The following TTLL11 variants were observed in gnomAD, a reference collection of about 807,000 sequenced individuals.
TTLL11 encodes the protein tubulin tyrosine ligase like 11, also known as tubulin polyglutamylase TTLL11.
TTLL11 carries 42 observed loss-of-function variants against 51.7 expected under a neutral mutation model. The observed-to-expected ratio is 0.81, with a 90% CI of 0.64 to 1.05. The LOEUF (loss-of-function observed/expected upper bound fraction) is 1.05. TTLL11 is among the 50% of genes least tolerant of loss of function. The pLI, the probability that TTLL11 is intolerant of heterozygous loss-of-function variation, is 0.00. For missense variants in TTLL11, 799 were observed against 940.4 expected (o/e 0.85, Z 1.97); for synonymous variants, 381 against 383.5 (o/e 0.99, Z 0.08).
At chr9:122,043,558 A>G (rs1238988070) in intron 1 of TTLL11, among the ~76,000 whole-genome samples, 1 of 152,324 alleles carries the variant, frequency 6.6e-6, no homozygotes, top group East Asian at 1.9e-4. Flanking sequence ...AAAGCTTCAT[A>G]ACACTAGAAA....
chr9:122,054,677 T>C (rs543731743), intron 1 of TTLL11, among the ~76,000 whole-genome samples: 1 of 152,328 alleles, frequency 6.6e-6, no homozygotes, highest in African/African-American at 2.4e-5. Flanking sequence ...ATATCAATTA[T>C]AAATTATAAA....
intron 6 of TTLL11, among the ~76,000 whole-genome samples, chr9:121,874,274 T>C (rs1197754867): frequency 3.3e-5 from 5 of 152,210 alleles, no homozygotes; most frequent in African/African-American, 4.8e-5. Flanking sequence ...CTTGGGATTA[T>C]AGGCATGAGC....
chr9:121,887,846 C>T (rs560472557), intron 6 of TTLL11, among the ~76,000 whole-genome samples: 1 of 152,258 alleles, frequency 6.6e-6, no homozygotes, highest in South Asian at 2.1e-4. Flanking sequence ...CAGATCAAGT[C>T]TGGAATACAT....
In TTLL11 at chr9:121,898,044, G is replaced by A. The variant is rs547540687; in HGVS notation, c.1482-27296C>T. 5.9e-5 allele frequency among the ~76,000 whole-genome samples: 9 copies of A among 151,530 alleles called. No individual in the cohort carries two copies. The East Asian group carries it at 9.7e-4, about 16-fold the overall frequency. ...AGCAACTCTCATGCCTCAGCCTCCC[G>A]AGTAGCTGGGACTACAGGCACCTGC... On this transcript the variant is annotated intron_variant, in intron 6 of 8. Coordinates refer to ENST00000321582, the MANE Select transcript of TTLL11 (RefSeq NM_001139442.2).
In TTLL11 at chr9:122,093,290, C is replaced by G. The variant is rs1489614647; in HGVS notation, c.-142G>C. 1 of 1,573,408 alleles carries G rather than the reference C, an allele frequency of 6.4e-7. No homozygotes were observed. The highest frequency in any genetic ancestry group is 2.4e-5 in the East Asian group (1 of 42,236). ...GCCCGTTGCCATGATCGCTCAGGCT[C>G]GGGTTGACAGCGGCAGTCACCGCAT... is the stretch of plus-strand genomic sequence containing the variant. On this transcript the variant is annotated 5_prime_UTR_variant, in exon 1 of 9. Coordinates refer to ENST00000321582, the MANE Select transcript of TTLL11 (RefSeq NM_001139442.2).
At chr9:121,845,711 C>CT (rs1837497391) in intron 8 of TTLL11, among the ~76,000 whole-genome samples, 3 of 152,014 alleles carry the variant, frequency 2.0e-5, no homozygotes, top group Non-Finnish European at 4.4e-5. Flanking sequence ...TGAAAATGGA[C>CT]TTATTAGCTG....
intron 6 of TTLL11, among the ~76,000 whole-genome samples, chr9:121,915,454 C>T (rs779734760): frequency 3.9e-5 from 6 of 152,084 alleles, no homozygotes; most frequent in South Asian, 4.1e-4. Flanking sequence ...TCTGACTTCC[C>T]GATACATCTC....
chr9:122,012,698 ACAC>A (rs1843845634), intron 3 of TTLL11, among the ~76,000 whole-genome samples: 1 of 151,924 alleles, frequency 6.6e-6, no homozygotes, highest in Non-Finnish European at 1.5e-5. Context: ...ACACACACAC[ACAC>A]ACCAAGTTAA....
At chr9:121,939,516 G>T (rs1203976013) in intron 6 of TTLL11, among the ~76,000 whole-genome samples, 2 of 152,202 alleles carry the variant, frequency 1.3e-5, no homozygotes, top group Non-Finnish European at 2.9e-5. Context: ...AGAACATAGT[G>T]ATTCTCTGGG....
intron 8 of TTLL11, among the ~76,000 whole-genome samples, chr9:121,827,731 G>A (rs983427842): frequency 3.9e-5 from 6 of 152,004 alleles, no homozygotes; most frequent in South Asian, 4.1e-4. Context: ...TCAAGGTGGC[G>A]CAGGAAACGG....
intron 1 of TTLL11, among the ~76,000 whole-genome samples, chr9:122,046,353 T>C (rs558008673): frequency 1.3e-5 from 2 of 152,300 alleles, no homozygotes; most frequent in South Asian, 4.1e-4. Context: ...TCCATGATTG[T>C]AAGTTTCCTG....
At position 121,908,349 on chromosome 9, in the gene TTLL11, C is replaced by G. The variant is rs187868980; in HGVS notation, c.1482-37601G>C. Among the ~76,000 whole-genome samples, 43 of 152,304 alleles carry G rather than the reference C, an allele frequency of 2.8e-4. No individual in the cohort carries two copies. The Middle Eastern group carries it at 0.014, about 48-fold the overall frequency. The stretch of plus-strand genomic sequence containing the variant: ...ACATTTCATCAGATCCTTTTGTTCT[C>G]TCTTCTTCTAAAGCATGTAAGTCAG... On this transcript the variant is annotated intron_variant, in intron 6 of 8. Coordinates refer to ENST00000321582, the MANE Select transcript of TTLL11 (RefSeq NM_001139442.2).
rs922060980 is a variant in TTLL11, at chr9:122,038,440, T to C, written c.559+832A>G. On this transcript the variant is annotated intron_variant, in intron 2 of 8. Coordinates refer to ENST00000321582, the MANE Select transcript of TTLL11 (RefSeq NM_001139442.2). ...CAGGTGGGTCACTTGAGGTCAGGAG[T>C]TCGAGACCAGCCTGGCCAACGTGAC... is the stretch of plus-strand genomic sequence containing the variant. Among the ~76,000 whole-genome samples, 4 of 151,776 alleles carry C rather than the reference T, an allele frequency of 2.6e-5. No homozygotes were observed. The South Asian group carries it at 8.3e-4, about 32-fold the overall frequency.
intron 3 of TTLL11, among the ~76,000 whole-genome samples, chr9:122,019,600 C>T (rs539791132): frequency 1.5e-4 from 23 of 152,138 alleles, no homozygotes; most frequent in Non-Finnish European, 2.8e-4. Context: ...CAGACACATA[C>T]CACCACACCC....
At chr9:121,845,754 T>C (rs1252072115) in intron 8 of TTLL11, among the ~76,000 whole-genome samples, 1 of 152,156 alleles carries the variant, frequency 6.6e-6, no homozygotes, top group Non-Finnish European at 1.5e-5. Flanking sequence ...ATAATGACTA[T>C]TTTTAAAAAG....
chr9:122,044,494 A>G (rs1238790951), intron 1 of TTLL11, among the ~76,000 whole-genome samples: 1 of 152,104 alleles, frequency 6.6e-6, no homozygotes, highest in Non-Finnish European at 1.5e-5. Context: ...AAGTGTTCCT[A>G]TTTCTCCACA....
chr9:121,928,942 T>A (rs1293339949), intron 6 of TTLL11, among the ~76,000 whole-genome samples: 1 of 152,188 alleles, frequency 6.6e-6, no homozygotes, highest in East Asian at 1.9e-4. Flanking sequence ...AAATTTTATG[T>A]ACACACACAA....
At chr9:121,830,026 C>T (rs563136079) in intron 8 of TTLL11, among the ~76,000 whole-genome samples, 2 of 152,206 alleles carry the variant, frequency 1.3e-5, no homozygotes, top group Admixed American at 6.5e-5. Context: ...TCCCTGTCTT[C>T]TCTACATTCC....
chr9:121,847,151 C>A (rs978013084), intron 8 of TTLL11, among the ~76,000 whole-genome samples: 2 of 148,716 alleles, frequency 1.3e-5, no homozygotes, highest in East Asian at 2.0e-4. Flanking sequence ...CGGAGCTTGC[C>A]GTGAGGCGAG....
Sources: gnomAD v4.1 joint callset for allele counts (sites outside exome capture counted in the v4.1 genomes callset) on GRCh38, gnomAD v4.1.1 for gene constraint, MANE v1.5 for transcripts, NCBI Gene and HGNC (gene_info 2026-07-23, HGNC 2026-07-21) for gene names.